ITPR2: variants seen among roughly 807,000 people sequenced by gnomAD.
ITPR2 encodes inositol 1,4,5-trisphosphate-gated calcium channel ITPR2.
ITPR2 carries 207 observed loss-of-function variants against 317.1 expected under a neutral mutation model. The ratio of observed to expected loss-of-function variants is 0.65; its 90% CI spans 0.58 to 0.73. The LOEUF is 0.73. Ranked by LOEUF, ITPR2 falls within the 30% of genes least tolerant of loss-of-function variation. The pLI is 0.00. For missense variants in ITPR2, 2,613 were observed against 3,284.0 expected (o/e 0.80, Z 4.99); for synonymous variants, 1,156 against 1,149.1 (o/e 1.01, Z -0.12).
chr12:26,657,664 T>C, intron 18 of ITPR2, 43 bp downstream of exon 18: 5 of 1,545,148 alleles, frequency 3.2e-6, no homozygotes, highest in Non-Finnish European at 4.5e-6. Context: ...TCAATTAATA[T>C]GTGAGACTGG....
At chr12:26,809,148 T>C (rs1950689580) in intron 1 of ITPR2, among the ~76,000 whole-genome samples, 1 of 152,210 alleles carries the variant, frequency 6.6e-6, no homozygotes, top group African/African-American at 2.4e-5. Flanking sequence ...ATCAGATTCC[T>C]CTCTGGTTAA....
intron 9 of ITPR2, among the ~76,000 whole-genome samples, chr12:26,708,661 C>T (rs149226525): frequency 8.7e-4 from 133 of 152,022 alleles, no homozygotes; most frequent in Middle Eastern, 6.8e-3. Context: ...AAATATAGTT[C>T]GACAGAAGGA....
intron 55 of ITPR2, among the ~76,000 whole-genome samples, chr12:26,361,137 C>T (rs905098566): frequency 6.6e-6 from 1 of 151,858 alleles, no homozygotes; most frequent in Non-Finnish European, 1.5e-5. Flanking sequence ...ATCACTTGAA[C>T]CCAGGAGGCG....
intron 2 of ITPR2, among the ~76,000 whole-genome samples, chr12:26,783,962 GA>G (rs1305689180): frequency 1.3e-5 from 2 of 152,086 alleles, no homozygotes; most frequent in African/African-American, 4.8e-5. Flanking sequence ...CAGGATCATG[GA>G]TGGGTTCAGG....
At chr12:26,446,576 T>C (rs1941613175) in intron 45 of ITPR2, among the ~76,000 whole-genome samples, 1 of 152,048 alleles carries the variant, frequency 6.6e-6, no homozygotes, top group Non-Finnish European at 1.5e-5. Flanking sequence ...ACATAATTAA[T>C]AGTGAACAAA....
chr12:26,390,854 T>C lies in ITPR2; in HGVS notation c.7697-3260A>G, dbSNP rs184685292. ...AAAAGAGAGAAAATGTTAAAGTAGATTTTCCCAGAATTCAATTCAAACATC... is the reference window on the plus strand; with the variant it reads ...AAAAGAGAGAAAATGTTAAAGTAGACTTTCCCAGAATTCAATTCAAACATC... On this transcript the variant is annotated intron_variant, in intron 54 of 56. Transcript: ENST00000381340. 5.3e-5 allele frequency among the ~76,000 whole-genome samples: 8 copies of C among 152,252 alleles called. No individual in the cohort carries two copies. In the East Asian group the frequency reaches 5.8e-4, roughly 11 times the overall value.
intron 8 of ITPR2, among the ~76,000 whole-genome samples, chr12:26,715,070 G>C (rs751405484): frequency 1.3e-5 from 2 of 152,046 alleles, no homozygotes; most frequent in African/African-American, 4.8e-5. Flanking sequence ...GTGTGCACTT[G>C]ACAGAGAAGG....
At chr12:26,822,354 T>C (rs1950949018) in intron 1 of ITPR2, among the ~76,000 whole-genome samples, 1 of 152,214 alleles carries the variant, frequency 6.6e-6, no homozygotes, top group Non-Finnish European at 1.5e-5. Flanking sequence ...AATCTATCTA[T>C]GGCTTTTTTA....
chr12:26,561,781 T>G lies in ITPR2; in HGVS notation c.4802A>C (p.Asn1601Thr), dbSNP rs1193239189. ...ATGTACCTGTAACTTTTCAATAATA[T>G]TTCTGTAATCCCAAGCAGGCCCTCC... ...ALGGPAWDYR[N>T]IIEKLQDVVA... The change falls in exon 35 of 57, where the codon AAT (asparagine) becomes ACT (threonine). Residue 1601 changes from asparagine to threonine, a missense_variant. By Grantham distance (65) the Asn-to-Thr change is moderately conservative. Around this residue, in one of 9 missense-constraint regions of ITPR2, gnomAD observed 926 missense variants for 1,072.8 expected, o/e 0.86. Coordinates refer to ENST00000381340, the MANE Select transcript of ITPR2 (RefSeq NM_002223.4). The G allele has an allele frequency of 3.2e-6, 5 of 1,575,664 alleles. No individual in the cohort carries two copies. The highest frequency in any genetic ancestry group is 4.3e-6 in the Non-Finnish European group (5 of 1,169,766).
chr12:26,793,847 A>G (rs1007846902), intron 1 of ITPR2, among the ~76,000 whole-genome samples: 1 of 152,222 alleles, frequency 6.6e-6, no homozygotes, highest in Non-Finnish European at 1.5e-5. Context: ...ATTATCAAAA[A>G]TATCATATCC....
intron 48 of ITPR2, among the ~76,000 whole-genome samples, chr12:26,431,884 C>T (rs1438762543): frequency 6.6e-6 from 1 of 152,174 alleles, no homozygotes; most frequent in Non-Finnish European, 1.5e-5. Context: ...CACATTGGTA[C>T]CAGCATGTAT....
chr12:26,740,860 G>A (rs1949218009), intron 2 of ITPR2, among the ~76,000 whole-genome samples: 1 of 152,148 alleles, frequency 6.6e-6, no homozygotes. Context: ...AGAGGGAAAA[G>A]TATCAAATAA....
chr12:26,598,761 T>A (rs182079280), intron 30 of ITPR2, among the ~76,000 whole-genome samples: 16 of 152,338 alleles, frequency 1.1e-4, no homozygotes, highest in Admixed American at 9.2e-4. Flanking sequence ...ACACCCATTC[T>A]ATGTTTCAGA....
chr12:26,409,448 C>A (rs1940466976), intron 52 of ITPR2, among the ~76,000 whole-genome samples: 2 of 152,200 alleles, frequency 1.3e-5, no homozygotes, highest in African/African-American at 4.8e-5. Context: ...CATGTGAGAG[C>A]ATGTTCTAGT....
chr12:26,658,158 T>G, intron 16 of ITPR2, 28 bp from the exon 17 acceptor site: 1 of 1,497,640 alleles, frequency 6.7e-7, no homozygotes, highest in Non-Finnish European at 9.0e-7. Context: ...TTAAATGGAA[T>G]ATGAAGACAA....
chr12:26,341,328 A>C (rs1231657644), intron 55 of ITPR2, among the ~76,000 whole-genome samples: 1 of 152,188 alleles, frequency 6.6e-6, no homozygotes, highest in Non-Finnish European at 1.5e-5. Context: ...AGTGAGCATC[A>C]TGCTTGAAAC....
At chr12:26,347,021 T>C (rs1022190871) in intron 55 of ITPR2, among the ~76,000 whole-genome samples, 1 of 152,184 alleles carries the variant, frequency 6.6e-6, no homozygotes, top group Non-Finnish European at 1.5e-5. Context: ...ACACCCAGTA[T>C]ACTGCAAATG....
At chr12:26,694,832 A>G (rs1317899434) in intron 10 of ITPR2, among the ~76,000 whole-genome samples, 1 of 152,206 alleles carries the variant, frequency 6.6e-6, no homozygotes, top group African/African-American at 2.4e-5. Context: ...AGACATTTTG[A>G]TATGTTAAAG....
intron 13 of ITPR2, among the ~76,000 whole-genome samples, chr12:26,674,129 T>C (rs1438496525): frequency 7.0e-6 from 1 of 143,042 alleles, no homozygotes; most frequent in Admixed American, 7.2e-5. Flanking sequence ...CCCAAGGTAA[T>C]TTATAGATTC....
Sources: gnomAD v4.1 joint callset for allele counts (sites outside exome capture counted in the v4.1 genomes callset) on GRCh38, gnomAD v4.1.1 for gene constraint, gnomAD v4.1.1 regional missense constraint, MANE v1.5 for transcripts, NCBI Gene and HGNC (gene_info 2026-07-23, HGNC 2026-07-21) for gene names.